The following PCDHA6 variants were observed in gnomAD, a reference collection of about 807,000 sequenced individuals.
PCDHA6 encodes the protein protocadherin alpha 6, also known as protocadherin alpha-6.
In PCDHA6, 55 loss-of-function variants were observed where a neutral mutation model predicts 60.3. That is an observed-to-expected ratio of 0.91 (90% CI 0.73 to 1.14). The LOEUF is 1.14. Ranked by LOEUF, PCDHA6 falls within the 50% of genes most tolerant of loss-of-function variation. The probability of loss-of-function intolerance (pLI) is 0.00; values close to 1 mark genes in which losing one functional copy is unlikely to be tolerated. For synonymous variants in PCDHA6, 652 were observed against 557.9 expected (o/e 1.17, Z -2.38); for missense variants, 1,327 against 1,256.5 (o/e 1.06, Z -0.85).
intron 3 of PCDHA6, among the ~76,000 whole-genome samples, chr5:140,993,994 A>T (rs1393081374): frequency 6.6e-6 from 1 of 152,234 alleles, no homozygotes; most frequent in African/African-American, 2.4e-5. Context: ...CACTTAGGTC[A>T]GGCCAGGCTC....
chr5:140,889,639 G>A (rs1271182789), intron 1 of PCDHA6, among the ~76,000 whole-genome samples: 1 of 151,770 alleles, frequency 6.6e-6, no homozygotes, highest in Non-Finnish European at 1.5e-5. Flanking sequence ...TTTCATTTGT[G>A]TTTGCAGGAG....
chr5:140,830,040 T>C lies in PCDHA6; in HGVS notation c.1949T>C (p.Leu650Pro), dbSNP rs2150180125. The C allele has an allele frequency of 2.5e-6, 4 of 1,613,666 alleles. No homozygotes were observed. The African/African-American group carries it at 4.0e-5, about 16-fold the overall frequency. Residue 650 changes from leucine (L) to proline (P), a missense_variant, in exon 1 of 4, where the codon CTG becomes CCG. Coordinates refer to ENST00000529310, the MANE Select transcript of PCDHA6 (RefSeq NM_018909.4). ...ADSPRHRLLV[L>P]VKDHGEPALT... Reference sequence around the variant, plus strand: ...TCTCCGCGCCACCGGCTGCTGGTGCTGGTGAAAGACCACGGTGAGCCGGCG... The same window carrying C: ...TCTCCGCGCCACCGGCTGCTGGTGCCGGTGAAAGACCACGGTGAGCCGGCG...
intron 1 of PCDHA6, chr5:140,851,016 A>T: frequency 7.0e-7 from 1 of 1,434,004 alleles, no homozygotes; most frequent in East Asian, 2.4e-5. Flanking sequence ...TTTTTTTCTG[A>T]TAAAGTAAAC....
intron 1 of PCDHA6, among the ~76,000 whole-genome samples, chr5:140,944,361 A>G (rs1463339181): frequency 6.6e-6 from 1 of 151,888 alleles, no homozygotes; most frequent in Non-Finnish European, 1.5e-5. Flanking sequence ...CTAATTTTTA[A>G]TTTTTTATAG....
chr5:140,951,546 G>A (rs962043182), intron 1 of PCDHA6, among the ~76,000 whole-genome samples: 9 of 151,942 alleles, frequency 5.9e-5, no homozygotes, highest in Non-Finnish European at 8.8e-5. Context: ...CAAGGGACGG[G>A]GGGAAGTGCT....
Position 140,857,690 on chromosome 5 carries a change from T to G in PCDHA6, c.2394+27205T>G, listed in dbSNP as rs184684054. On this transcript the variant is annotated intron_variant, in intron 1 of 3. Transcript: ENST00000529310. ...GGGCGTGCCGCCTCTGGGCAGCAAC[T>G]TGACGCTGCAGGTGTTCGTGCTGGA... 2.4e-3 allele frequency: 3,841 copies of G among 1,597,044 alleles called. 312 individuals are homozygous for G. In the African/African-American group the frequency reaches 0.036, roughly 15 times the overall value.
At chr5:140,856,879 G>A in intron 1 of PCDHA6, 1 of 1,593,884 alleles carries the variant, frequency 6.3e-7, no homozygotes, top group Non-Finnish European at 8.6e-7. Context: ...AGGAAATGAT[G>A]TATTCATTTA....
At chr5:140,871,707 G>A (rs2053270634) in intron 1 of PCDHA6, 9 of 843,502 alleles carry the variant, frequency 1.1e-5, no homozygotes, top group Non-Finnish European at 1.6e-5. Flanking sequence ...ACCAATAAAT[G>A]TCCTATTTCT....
chr5:140,929,279 T>C (rs368682683), intron 1 of PCDHA6: 1 of 1,603,874 alleles, frequency 6.2e-7, no homozygotes, highest in Non-Finnish European at 8.5e-7. Context: ...ATATCCTGTA[T>C]TCAGATTCGG....
At position 140,909,867 on chromosome 5, in the gene PCDHA6, C is replaced by T. The variant is rs544055697; in HGVS notation, c.2395-69082C>T. Among the ~76,000 whole-genome samples the T allele has an allele frequency of 2.8e-4, 43 of 152,282 alleles. 1 individual carries two copies. The highest frequency in any genetic ancestry group is 4.9e-4 in the Non-Finnish European group (33 of 68,020). On this transcript the variant is annotated intron_variant, in intron 1 of 3. Coordinates refer to ENST00000529310, the MANE Select transcript of PCDHA6 (RefSeq NM_018909.4). ...GACGTTTTCGGTCCCCTGGAGTCAA[C>T]GTCAGCTTAGAGACACTGTTCAGTA...
chr5:140,841,085 A>G, intron 1 of PCDHA6: 1 of 553,322 alleles, frequency 1.8e-6, no homozygotes. Context: ...AAGTGCATAG[A>G]AGAACCCAGA....
chr5:140,964,909 A>G (rs1164322313), intron 1 of PCDHA6, among the ~76,000 whole-genome samples: 1 of 152,208 alleles, frequency 6.6e-6, no homozygotes, highest in African/African-American at 2.4e-5. Context: ...GCTTCTCTGG[A>G]ATAACACTGG....
chr5:140,987,407 T>C (rs1301920693), intron 3 of PCDHA6, among the ~76,000 whole-genome samples: 3 of 152,148 alleles, frequency 2.0e-5, no homozygotes, highest in Non-Finnish European at 4.4e-5. Flanking sequence ...CATCTGTTTA[T>C]GGTTCTTGTG....
chr5:140,851,463 G>C (rs1194351869), intron 1 of PCDHA6: 1 of 894,166 alleles, frequency 1.1e-6, no homozygotes, highest in Non-Finnish European at 1.4e-6. Flanking sequence ...ATCAAATTAT[G>C]TCAATAAATG....
intron 3 of PCDHA6, among the ~76,000 whole-genome samples, chr5:140,994,850 CAT>C (rs10584145): frequency 0.01 from 1,553 of 152,082 alleles, 27 homozygotes; most frequent in African/African-American, 0.036. Flanking sequence ...AAGATGAGTG[CAT>C]TTGATGGATG....
intron 1 of PCDHA6, among the ~76,000 whole-genome samples, chr5:140,873,191 C>G (rs1554166611): frequency 6.6e-6 from 1 of 151,960 alleles, no homozygotes; most frequent in Non-Finnish European, 1.5e-5. Flanking sequence ...TATTCATTGG[C>G]TAAAAACATT....
At chr5:140,952,993 C>G (rs1273513255) in intron 1 of PCDHA6, among the ~76,000 whole-genome samples, 1 of 152,106 alleles carries the variant, frequency 6.6e-6, no homozygotes, top group Non-Finnish European at 1.5e-5. Flanking sequence ...CTCATGAGAA[C>G]TCTCTCACTA....
chr5:140,960,053 G>A (rs2095524432), intron 1 of PCDHA6, among the ~76,000 whole-genome samples: 3 of 152,156 alleles, frequency 2.0e-5, no homozygotes, highest in Non-Finnish European at 4.4e-5. Flanking sequence ...TTAAAAACAT[G>A]TACAGAAGAT....
At chr5:140,872,400 G>A (rs1582078480) in intron 1 of PCDHA6, among the ~76,000 whole-genome samples, 1 of 152,124 alleles carries the variant, frequency 6.6e-6, no homozygotes, top group Admixed American at 6.5e-5. Context: ...GCTGAGGCAG[G>A]AGAATTGCTT....
Sources: allele counts gnomAD v4.1 joint callset (sites outside exome capture counted in the v4.1 genomes callset), GRCh38; gene constraint gnomAD v4.1.1; transcripts MANE v1.5; gene names NCBI Gene and HGNC (gene_info 2026-07-23, HGNC 2026-07-21).